DCAF6: variants seen among roughly 807,000 people sequenced by gnomAD.
The protein encoded by DCAF6 is DDB1- and CUL4-associated factor 6.
Under a neutral mutation model 125.1 loss-of-function variants are expected in DCAF6, and 54 were observed. That is an observed-to-expected ratio of 0.43 (90% CI 0.35 to 0.54). The LOEUF is 0.54. DCAF6 is among the 20% of genes least tolerant of loss of function. The pLI, the probability that DCAF6 is intolerant of heterozygous loss-of-function variation, is 0.01. For missense variants in DCAF6, 934 were observed against 1,161.7 expected, an observed-to-expected ratio of 0.80 and a Z score of 2.85; for synonymous variants, 371 against 390.4, an observed-to-expected ratio of 0.95 and a Z score of 0.58.
intron 1 of DCAF6, among the ~76,000 whole-genome samples, chr1:167,943,960 T>C (rs1305090580): frequency 6.6e-6 from 1 of 152,044 alleles, no homozygotes; most frequent in Admixed American, 6.6e-5. Context: ...TGCCTCAGCC[T>C]CCCAAGTAGT....
intron 3 of DCAF6, among the ~76,000 whole-genome samples, chr1:167,969,050 G>GT (rs899562502): frequency 6.8e-4 from 102 of 150,722 alleles, no homozygotes; most frequent in East Asian, 1.7e-3. Flanking sequence ...TTATATGTTG[G>GT]TTTTTTTTTA....
intron 4 of DCAF6, among the ~76,000 whole-genome samples, chr1:167,987,240 A>G (rs1295712914): frequency 6.6e-6 from 1 of 152,212 alleles, no homozygotes; most frequent in Non-Finnish European, 1.5e-5. Context: ...TTATAACTTC[A>G]GATAACTTTT....
At chr1:167,990,281 T>A (rs1249725269) in intron 5 of DCAF6, among the ~76,000 whole-genome samples, 2 of 151,980 alleles carry the variant, frequency 1.3e-5, no homozygotes, top group Non-Finnish European at 2.9e-5. Context: ...GACAGGAGGA[T>A]CACCTGACCT....
chr1:168,065,532 A>G, intron 18 of DCAF6, 58 bp from the exon 19 acceptor site: 1 of 1,248,254 alleles, frequency 8.0e-7, no homozygotes, highest in Non-Finnish European at 1.1e-6. Context: ...AGAGTAGCAT[A>G]AATCTTTGTT....
chr1:168,037,137 C>G (rs1687930897), intron 12 of DCAF6, among the ~76,000 whole-genome samples: 1 of 148,430 alleles, frequency 6.7e-6, no homozygotes, highest in African/African-American at 2.5e-5. Context: ...GAGGTCTCAC[C>G]CAGACTCGAC....
intron 7 of DCAF6, among the ~76,000 whole-genome samples, 199 bp downstream of exon 7, chr1:167,993,639 C>G (rs1350569948): frequency 6.6e-6 from 1 of 152,156 alleles, no homozygotes. Context: ...ATCCCAGCTA[C>G]TCAGGAGACT....
chr1:167,889,467 C>T, the DCAF6 span, among the ~76,000 whole-genome samples: 8 of 138,596 alleles, frequency 5.8e-5, no homozygotes, highest in African/African-American at 2.0e-4. Context: ...GTTGTTGAAC[C>T]CAGTTTGCTA....
the DCAF6 span, among the ~76,000 whole-genome samples, chr1:167,886,144 T>C: frequency 6.6e-6 from 1 of 152,174 alleles, no homozygotes; most frequent in Non-Finnish European, 1.5e-5. Context: ...ATAGATTCCA[T>C]GCCATCCCCA....
chr1:168,050,286 G>A (rs894967155), intron 16 of DCAF6, among the ~76,000 whole-genome samples: 3 of 152,044 alleles, frequency 2.0e-5, no homozygotes, highest in Non-Finnish European at 2.9e-5. Context: ...CACTTTTAAA[G>A]CCAAAATTCC....
At chr1:167,902,027 A>G in the DCAF6 span, 9 of 1,613,606 alleles carry the variant, frequency 5.6e-6, no homozygotes, top group Non-Finnish European at 6.8e-6. Flanking sequence ...TGCAAATTTC[A>G]GGATGTCTCC....
Position 167,936,906 on chromosome 1 carries a change from A to T in DCAF6, c.-6A>T. ...GTCTCCCCTCCCACCCGGCTCAGGCAGAGCCATGTCTCGGGGTGGCTCCTA... is the reference window on the plus strand; with the variant it reads ...GTCTCCCCTCCCACCCGGCTCAGGCTGAGCCATGTCTCGGGGTGGCTCCTA... On this transcript the variant is annotated 5_prime_UTR_variant, in exon 1 of 22. Transcript: ENST00000367840. 1 of 1,559,506 alleles carries T rather than the reference A, an allele frequency of 6.4e-7. No individual in the cohort carries two copies. The highest frequency in any genetic ancestry group is 8.7e-7 in the Non-Finnish European group (1 of 1,148,776).
chr1:167,939,296 A>G (rs1671866356), intron 1 of DCAF6, among the ~76,000 whole-genome samples: 1 of 152,134 alleles, frequency 6.6e-6, no homozygotes, highest in African/African-American at 2.4e-5. Context: ...ATAATTGACA[A>G]TTAAAAATTG....
intron 1 of DCAF6, among the ~76,000 whole-genome samples, chr1:167,942,819 A>G (rs780173301): frequency 6.6e-6 from 1 of 152,328 alleles, no homozygotes; most frequent in South Asian, 2.1e-4. Context: ...ATTGACCATA[A>G]ATGTTTAAGT....
chr1:168,057,513 T>C (rs1197340797), intron 17 of DCAF6, among the ~76,000 whole-genome samples: 1 of 152,238 alleles, frequency 6.6e-6, no homozygotes, highest in African/African-American at 2.4e-5. Flanking sequence ...AGAATAATAA[T>C]TGATACTTTG....
intron 21 of DCAF6, among the ~76,000 whole-genome samples, chr1:168,074,827 A>T (rs1052936756): frequency 6.6e-6 from 1 of 152,196 alleles, no homozygotes; most frequent in Non-Finnish European, 1.5e-5. Context: ...TTGAACGAGC[A>T]TACTGTACTC....
At chr1:168,015,989 T>C in intron 11 of DCAF6, 38 bp downstream of exon 11, 2 of 1,403,506 alleles carry the variant, frequency 1.4e-6, no homozygotes, top group Non-Finnish European at 1.9e-6. Context: ...GCTGATAGAA[T>C]TGTTTTTTAA....
intron 17 of DCAF6, among the ~76,000 whole-genome samples, chr1:168,057,977 T>G (rs1691103649): frequency 6.6e-6 from 1 of 152,240 alleles, no homozygotes; most frequent in African/African-American, 2.4e-5. Context: ...ACCAGTGTCC[T>G]GAATGTTATG....
chr1:167,907,838 A>T, the DCAF6 span, among the ~76,000 whole-genome samples: 1 of 152,248 alleles, frequency 6.6e-6, no homozygotes, highest in Non-Finnish European at 1.5e-5. Context: ...AGTAAAATAT[A>T]CAAAATTATA....
chr1:168,026,676 C>G (rs1314916668), intron 12 of DCAF6, among the ~76,000 whole-genome samples: 1 of 151,724 alleles, frequency 6.6e-6, no homozygotes, highest in African/African-American at 2.4e-5. Flanking sequence ...TTAGGAGGAA[C>G]AGCTAGCTGA....
Sources: gnomAD v4.1 joint callset for allele counts (sites outside exome capture counted in the v4.1 genomes callset) on GRCh38, gnomAD v4.1.1 for gene constraint, MANE v1.5 for transcripts, NCBI Gene and HGNC (gene_info 2026-07-23, HGNC 2026-07-21) for gene names.